The following TXNDC16 variants were observed in gnomAD, a reference collection of about 807,000 sequenced individuals.
TXNDC16 encodes thioredoxin domain-containing protein 16.
In TXNDC16, 74 loss-of-function variants were observed where a neutral mutation model predicts 85.6. The ratio of observed to expected loss-of-function variants is 0.86; its 90% CI spans 0.72 to 1.05. The LOEUF is 1.05. Ranked by LOEUF, TXNDC16 falls within the 50% of genes least tolerant of loss-of-function variation. TXNDC16 has a pLI of 0.00. For missense variants in TXNDC16, 959 were observed against 947.0 expected (o/e 1.01, Z -0.17); for synonymous variants, 335 against 326.5 (o/e 1.03, Z -0.28).
intron 9 of TXNDC16, among the ~76,000 whole-genome samples, chr14:52,495,469 G>T (rs1179052813): frequency 1.3e-5 from 2 of 152,182 alleles, no homozygotes; most frequent in Non-Finnish European, 2.9e-5. Context: ...GCCTCATTCT[G>T]TTGGTCAAGA....
At chr14:52,514,564 T>C (rs1245064268) in intron 8 of TXNDC16, among the ~76,000 whole-genome samples, 1 of 152,174 alleles carries the variant, frequency 6.6e-6, no homozygotes, top group Admixed American at 6.5e-5. Context: ...TTTTGAAAGC[T>C]GTTATTTTAC....
At chr14:52,522,632 A>G (rs1410557212) in intron 6 of TXNDC16, among the ~76,000 whole-genome samples, 1 of 152,202 alleles carries the variant, frequency 6.6e-6, no homozygotes, top group Non-Finnish European at 1.5e-5. Context: ...AAGCTGTAGT[A>G]TCCAATGCTC....
chr14:52,471,471 C>T (rs181105587), intron 14 of TXNDC16, among the ~76,000 whole-genome samples: 178 of 152,246 alleles, frequency 1.2e-3, no homozygotes, highest in African/African-American at 4.2e-3. Flanking sequence ...TCTTTCTTAC[C>T]GTGTACAACT....
At chr14:52,455,900 A>T (rs1388481124) in intron 17 of TXNDC16, among the ~76,000 whole-genome samples, 3 of 152,182 alleles carry the variant, frequency 2.0e-5, no homozygotes, top group Non-Finnish European at 4.4e-5. Context: ...GAAAGTGGCC[A>T]TTATGACCTC....
At chr14:52,528,570 T>TAC (rs1323884123) in intron 6 of TXNDC16, among the ~76,000 whole-genome samples, 5 of 151,730 alleles carry the variant, frequency 3.3e-5, no homozygotes, top group Admixed American at 6.6e-5. Flanking sequence ...GATATATATA[T>TAC]ACACAGCTCT....
At chr14:52,491,323 A>C (rs1055845336) in intron 9 of TXNDC16, among the ~76,000 whole-genome samples, 1 of 146,542 alleles carries the variant, frequency 6.8e-6, no homozygotes, top group Non-Finnish European at 1.5e-5. Flanking sequence ...CTGAGACCAC[A>C]GGTGCACACC....
intron 18 of TXNDC16, among the ~76,000 whole-genome samples, chr14:52,448,216 A>C (rs1163852913): frequency 6.6e-6 from 1 of 152,106 alleles, no homozygotes; most frequent in Non-Finnish European, 1.5e-5. Context: ...ATGCAGATTT[A>C]ACCCAAAGAA....
At chr14:52,462,261 G>A (rs1158506338) in intron 16 of TXNDC16, among the ~76,000 whole-genome samples, 1 of 152,056 alleles carries the variant, frequency 6.6e-6, no homozygotes, top group East Asian at 1.9e-4. Context: ...CAGTCTTCCT[G>A]TGTAGCCTAG....
intron 6 of TXNDC16, among the ~76,000 whole-genome samples, chr14:52,521,226 C>T (rs1213458659): frequency 1.3e-5 from 2 of 151,478 alleles, no homozygotes; most frequent in East Asian, 1.9e-4. Flanking sequence ...GATTCTTCTG[C>T]GTCAGCCTCC....
chr14:52,435,827 A>G (rs1192331613), intron 20 of TXNDC16, among the ~76,000 whole-genome samples: 2 of 151,798 alleles, frequency 1.3e-5, no homozygotes, highest in African/African-American at 4.8e-5. Context: ...AAAACAAAAA[A>G]ATGAAGCCAG....
intron 4 of TXNDC16, among the ~76,000 whole-genome samples, chr14:52,540,907 C>A (rs2037815869): frequency 6.6e-6 from 1 of 152,144 alleles, no homozygotes; most frequent in South Asian, 2.1e-4. Flanking sequence ...CCACTATCTC[C>A]TTTCCAGATA....
intron 16 of TXNDC16, among the ~76,000 whole-genome samples, chr14:52,458,511 C>T (rs1208266340): frequency 1.1e-4 from 16 of 152,096 alleles, no homozygotes; most frequent in Admixed American, 1.0e-3. Context: ...GAGCTGAGAT[C>T]ATGCCAGCCT....
intron 9 of TXNDC16, among the ~76,000 whole-genome samples, chr14:52,491,496 C>A (rs1439767334): frequency 6.6e-6 from 1 of 151,584 alleles, no homozygotes; most frequent in Non-Finnish European, 1.5e-5. Context: ...TCGTGCCTGG[C>A]CCCCTATAAG....
At chr14:52,552,072 C>T (rs79527754) in intron 1 of TXNDC16, among the ~76,000 whole-genome samples, 7,480 of 152,262 alleles carry the variant, frequency 0.049, 238 homozygotes, top group Middle Eastern at 0.071. Flanking sequence ...TTCTCCCCGT[C>T]GCCCCTTTCC....
At chr14:52,447,247 A>T (rs1249723457) in intron 18 of TXNDC16, among the ~76,000 whole-genome samples, 1 of 152,172 alleles carries the variant, frequency 6.6e-6, no homozygotes, top group African/African-American at 2.4e-5. Flanking sequence ...TTGGGCCTTA[A>T]GAGAACATGA....
chr14:52,487,769 A>C (rs1400999287), intron 12 of TXNDC16, among the ~76,000 whole-genome samples: 1 of 152,262 alleles, frequency 6.6e-6, no homozygotes, highest in South Asian at 2.1e-4. Context: ...CAGACTCTTC[A>C]TGTATAAAAT....
chr14:52,481,221 A>C (rs1005829297), intron 14 of TXNDC16, among the ~76,000 whole-genome samples: 1 of 151,920 alleles, frequency 6.6e-6, no homozygotes, highest in Non-Finnish European at 1.5e-5. Context: ...AAGAAATACA[A>C]GGCCACAAAT....
intron 9 of TXNDC16, among the ~76,000 whole-genome samples, chr14:52,497,403 G>A (rs1029873952): frequency 6.6e-6 from 1 of 152,134 alleles, no homozygotes; most frequent in Non-Finnish European, 1.5e-5. Flanking sequence ...AACATTTAAA[G>A]AAATAATGCC....
At chr14:52,469,967 T>TTC in intron 16 of TXNDC16, 70 bp downstream of exon 16, 1 of 1,379,488 alleles carries the variant, frequency 7.2e-7, no homozygotes. Context: ...TAAAAAGATA[T>TTC]TCTTAAAAAA....
Sources: allele counts gnomAD v4.1 joint callset (sites outside exome capture counted in the v4.1 genomes callset), GRCh38; gene constraint gnomAD v4.1.1; transcripts MANE v1.5; gene names NCBI Gene and HGNC (gene_info 2026-07-23, HGNC 2026-07-21).